Variants in CEP135 observed in about 807,000 individuals in gnomAD.
CEP135 encodes centrosomal protein of 135 kDa.
CEP135 carries 142 observed loss-of-function variants against 157.3 expected under a neutral mutation model. The ratio of observed to expected loss-of-function variants is 0.90; its 90% CI spans 0.79 to 1.04. The LOEUF (loss-of-function observed/expected upper bound fraction) is 1.04, where lower values mean the gene tolerates loss of function less well. Ranked by LOEUF, CEP135 falls within the 50% of genes least tolerant of loss-of-function variation. The pLI is 0.00. For synonymous variants in CEP135, 396 were observed against 439.8 expected (o/e 0.90, Z 1.25); for missense variants, 1,317 against 1,309.2 (o/e 1.01, Z -0.09).
Position 55,959,734 on chromosome 4 carries a change from A to G in CEP135, c.667A>G (p.Met223Val). Residue 223 changes from methionine (M) to valine (V), a missense_variant, in exon 6 of 26, where the codon ATG becomes GTG. Transcript: ENST00000257287. The stretch of plus-strand genomic sequence containing the variant: ...CCAGCTACAAGAAAAGTTAGCAATG[A>G]TGGAAAGTGGGGTGAGAGACTATAG... ...VHQLQEKLAM[M>V]ESGVRDYSKQ... 1 of 1,614,140 alleles carries G rather than the reference A, an allele frequency of 6.2e-7. No homozygotes were observed. Among genetic ancestry groups the G allele is most frequent in the Non-Finnish European group, 8.5e-7 (1 of 1,179,976 alleles).
intron 9 of CEP135, among the ~76,000 whole-genome samples, chr4:55,970,799 A>G (rs1729004860): frequency 6.6e-6 from 1 of 152,196 alleles, no homozygotes; most frequent in Admixed American, 6.5e-5. Flanking sequence ...GATACCATGG[A>G]AAGTACTTCA....
intron 5 of CEP135, among the ~76,000 whole-genome samples, chr4:55,958,419 A>T (rs1728570407): frequency 6.6e-6 from 1 of 152,184 alleles, no homozygotes; most frequent in Non-Finnish European, 1.5e-5. Context: ...TGGGACACAG[A>T]GCAAGACCCT....
chr4:55,955,163 T>G (rs528457687), intron 4 of CEP135, among the ~76,000 whole-genome samples: 1 of 152,134 alleles, frequency 6.6e-6, no homozygotes, highest in South Asian at 2.1e-4. Context: ...ATCTACAATA[T>G]TAGTGACAAA....
chr4:55,980,351 T>C, intron 12 of CEP135, 56 bp downstream of exon 12: 1 of 1,144,970 alleles, frequency 8.7e-7, no homozygotes, highest in Non-Finnish European at 1.3e-6. Flanking sequence ...TTAACTATAA[T>C]GGAGCCTGTA....
At chr4:55,987,680 T>C (rs912829030) in intron 14 of CEP135, among the ~76,000 whole-genome samples, 3 of 152,180 alleles carry the variant, frequency 2.0e-5, no homozygotes, top group Non-Finnish European at 4.4e-5. Context: ...TCTCTATCAC[T>C]CCAGCTTGAC....
At position 55,949,058 on chromosome 4, in the gene CEP135, CGGTGAG is replaced by C. The variant is rs1728253959; in HGVS notation, c.-46_-46+5del. 6.5e-6 allele frequency: 1 copy of C among 153,576 alleles called. No homozygotes were observed. The highest frequency in any genetic ancestry group is 1.4e-5 in the Non-Finnish European group (1 of 69,178). 9.5% of individuals were successfully genotyped at this position (153,576 alleles called of 1,614,324 possible). A position where few individuals can be genotyped will look rare whatever the true frequency, so the allele number is the denominator to read the frequency against. On this transcript the variant is annotated splice_donor_variant and splice_donor_5th_base_variant and 5_prime_UTR_variant and intron_variant, in exon 1 of 26. Coordinates refer to ENST00000257287, the MANE Select transcript of CEP135 (RefSeq NM_025009.5). LOFTEE classifies it low-confidence loss of function (5UTR_SPLICE). ...CGGAGGCAACGGCGGCTGGAGCTGCCGGTGAGTCCGGATGTGGGAGCCAGAGGGCCA... is the reference window on the plus strand; with the variant it reads ...CGGAGGCAACGGCGGCTGGAGCTGCCTCCGGATGTGGGAGCCAGAGGGCCA...
At chr4:56,017,579 G>A in intron 21 of CEP135, 69 bp from the exon 22 acceptor site, 1 of 1,334,196 alleles carries the variant, frequency 7.5e-7, no homozygotes, top group Non-Finnish European at 1.0e-6. Context: ...ATTGTTGGCT[G>A]TACAAATTCA....
At chr4:55,994,224 CT>C in intron 15 of CEP135, among the ~76,000 whole-genome samples, 1 of 152,294 alleles carries the variant, frequency 6.6e-6, no homozygotes, top group Non-Finnish European at 1.5e-5. Context: ...ATCATGTTCT[CT>C]TTTCCTTGAC....
rs563454710 is a variant in CEP135, at chr4:56,023,671, TATA to T, written c.3321-826_3321-824del. On this transcript the variant is annotated intron_variant, in intron 24 of 25. Transcript: ENST00000257287. The stretch of plus-strand genomic sequence containing the variant: ...ATACATATAATATATAATATACTAA[TATA>T]ATATATATCACATAATATATATATA... Among the ~76,000 whole-genome samples the T allele has an allele frequency of 3.0e-3, 409 of 138,452 alleles. 5 individuals carry two copies. The highest frequency in any genetic ancestry group is 0.011 in the Middle Eastern group (3 of 272). The allele number at this position is 138,452 out of a possible 152,430, so 90.8% of individuals were successfully genotyped here.
At chr4:55,966,205 C>CTT (rs140248476) in intron 8 of CEP135, 7 of 186,956 alleles carry the variant, frequency 3.7e-5, no homozygotes, top group Admixed American at 1.2e-4. Flanking sequence ...CTCAAGAATC[C>CTT]TTTTTTTTTG....
intron 11 of CEP135, among the ~76,000 whole-genome samples, chr4:55,976,555 G>A (rs1577879537): frequency 6.6e-6 from 1 of 152,202 alleles, no homozygotes; most frequent in Admixed American, 6.5e-5. Context: ...TAAGGCACTA[G>A]TAAAATTAAG....
intron 14 of CEP135, among the ~76,000 whole-genome samples, chr4:55,991,413 A>AT (rs1729791535): frequency 6.6e-6 from 1 of 150,946 alleles, no homozygotes; most frequent in South Asian, 2.1e-4. Flanking sequence ...ATTCCATTGA[A>AT]TTTACTATTA....
intron 25 of CEP135, among the ~76,000 whole-genome samples, chr4:56,029,219 G>C: frequency 6.6e-6 from 1 of 152,182 alleles, no homozygotes; most frequent in East Asian, 1.9e-4. Flanking sequence ...CTTTCTGAAA[G>C]GTTCCTGAAC....
chr4:56,009,055 C>T (rs1197806497), intron 18 of CEP135, among the ~76,000 whole-genome samples: 2 of 152,172 alleles, frequency 1.3e-5, no homozygotes, highest in Non-Finnish European at 2.9e-5. Context: ...TGTGCCACCA[C>T]GCTCAGCTAA....
chr4:55,995,814 T>C (rs944457926), intron 15 of CEP135, among the ~76,000 whole-genome samples: 1 of 152,176 alleles, frequency 6.6e-6, no homozygotes, highest in Non-Finnish European at 1.5e-5. Flanking sequence ...GTCAAGCCCC[T>C]AGTAAACATC....
At chr4:55,994,381 T>G (rs1235173435) in intron 15 of CEP135, among the ~76,000 whole-genome samples, 1 of 152,130 alleles carries the variant, frequency 6.6e-6, no homozygotes, top group Admixed American at 6.5e-5. Context: ...ACCTTATCTC[T>G]GCAAAAAATA....
chr4:55,960,951 A>G (rs28475053), intron 6 of CEP135: 2 of 138,132 alleles, frequency 1.4e-5, no homozygotes, highest in East Asian at 2.1e-4. Context: ...AAAAAAAAAT[A>G]CAAAAATTAG....
chr4:55,999,207 T>C (rs1730077070), intron 15 of CEP135, 95 bp from the exon 16 acceptor site: 3 of 929,196 alleles, frequency 3.2e-6, no homozygotes, highest in Non-Finnish European at 4.9e-6. Context: ...ACTTTAAAAA[T>C]AAGACATCAA....
chr4:55,959,437 G>T (rs1225291920), intron 5 of CEP135, among the ~76,000 whole-genome samples: 1 of 152,094 alleles, frequency 6.6e-6, no homozygotes, highest in African/African-American at 2.4e-5. Flanking sequence ...CAATAGTGAG[G>T]TGTTTCTTGC....
Sources: allele counts gnomAD v4.1 joint callset (sites outside exome capture counted in the v4.1 genomes callset), GRCh38; gene constraint gnomAD v4.1.1; transcripts MANE v1.5; gene names NCBI Gene and HGNC (gene_info 2026-07-23, HGNC 2026-07-21).